Variants in DNAH12 observed in about 807,000 individuals in gnomAD.
DNAH12 encodes dynein axonemal heavy chain 12.
Under a neutral mutation model 371.5 loss-of-function variants are expected in DNAH12, and 285 were observed. The ratio of observed to expected loss-of-function variants is 0.77; its 90% CI spans 0.70 to 0.85. The LOEUF is 0.85. Ranked by LOEUF, DNAH12 falls within the 40% of genes least tolerant of loss-of-function variation. The pLI is 0.00. For missense variants in DNAH12, 3,611 were observed against 3,689.4 expected (o/e 0.98, Z 0.55); for synonymous variants, 1,200 against 1,213.0 (o/e 0.99, Z 0.22).
intron 69 of DNAH12, among the ~76,000 whole-genome samples, chr3:57,308,260 C>T (rs1346846897): frequency 6.6e-6 from 1 of 152,132 alleles, no homozygotes; most frequent in Non-Finnish European, 1.5e-5. Flanking sequence ...TCTGGCCTTC[C>T]CACCTCTATA....
At chr3:57,438,724 G>A (rs1429936192) in intron 29 of DNAH12, among the ~76,000 whole-genome samples, 2 of 151,912 alleles carry the variant, frequency 1.3e-5, no homozygotes, top group Non-Finnish European at 2.9e-5. Flanking sequence ...AGGCCGAGGT[G>A]GGTGGATCAT....
In DNAH12 at chr3:57,437,074, A is replaced by G. The variant is rs751086664; in HGVS notation, c.4546-14T>C. 90 of 1,476,714 alleles carry G rather than the reference A, an allele frequency of 6.1e-5. 1 individual carries two copies. In the South Asian group the frequency reaches 1.1e-3, roughly 18 times the overall value. The allele number at this position is 1,476,714 out of a possible 1,614,324, so 91.5% of individuals were successfully genotyped here. A position where few individuals can be genotyped will look rare whatever the true frequency, so the allele number is the denominator to read the frequency against. ...TTCCAAAAATTCCTGAAATAAAAAA[A>G]AGTAATGCATTTCTACAACACAATA... On this transcript the variant is annotated splice_polypyrimidine_tract_variant and intron_variant, in intron 29 of 73. Coordinates refer to ENST00000495027, the MANE Select transcript of DNAH12 (RefSeq NM_001366028.2).
Position 57,452,928 on chromosome 3 carries a change from C to T in DNAH12, c.3701G>A (p.Cys1234Tyr), listed in dbSNP as rs1370083770. ...ATATTCATAAGCATATTTTACATTG[C>T]AATTAATGATACGAACTCGGGCATT... Reference protein sequence around the residue: ...NENARVRIINCNVKYAYEYLG... With the variant: ...NENARVRIINYNVKYAYEYLG... The change falls in exon 25 of 74, where the codon TGC (cysteine) becomes TAC (tyrosine). Residue 1234 changes from cysteine to tyrosine, a missense_variant. Around this residue, in one of 3 missense-constraint regions of DNAH12, gnomAD observed 2,266 missense variants for 2,236.9 expected, o/e 1.01. Transcript: ENST00000495027. 1 of 1,551,324 alleles carries T rather than the reference C, an allele frequency of 6.4e-7. No homozygotes were observed.
At chr3:57,386,273 G>A (rs2063497846) in intron 47 of DNAH12, among the ~76,000 whole-genome samples, 168 bp downstream of exon 47, 1 of 152,158 alleles carries the variant, frequency 6.6e-6, no homozygotes, top group Admixed American at 6.6e-5. Flanking sequence ...GAGGATCACA[G>A]AAGTGTCCAC....
intron 27 of DNAH12, 129 bp downstream of exon 27, chr3:57,445,902 C>T (rs1260016490): frequency 1.6e-5 from 13 of 800,056 alleles, no homozygotes; most frequent in Admixed American, 3.3e-5. Flanking sequence ...GCAAGAGAAT[C>T]GCTTGAACCC....
intron 66 of DNAH12, among the ~76,000 whole-genome samples, chr3:57,311,269 G>C (rs2061579053): frequency 6.6e-6 from 1 of 152,088 alleles, no homozygotes; most frequent in African/African-American, 2.4e-5. Context: ...TAGAGACAGG[G>C]TTTCACCATG....
Position 57,453,318 on chromosome 3 carries a change from C to T in DNAH12, c.3542G>A (p.Arg1181Lys). Reference protein sequence around the residue: ...LVRGKLSKQTRTTLGALVTID... With the variant: ...LVRGKLSKQTKTTLGALVTID... ...AGTAACCAAAGCCCCCAGAGTGGTC[C>T]TGGTCTGCTTAGACAACTTTCCTCT... The change falls in exon 24 of 74, where the codon AGG becomes AAG. Residue 1181 changes from arginine to lysine, a missense_variant. Transcript: ENST00000495027. 6.4e-7 allele frequency: 1 copy of T among 1,551,340 alleles called. No homozygotes were observed. The highest frequency in any genetic ancestry group is 8.7e-7 in the Non-Finnish European group (1 of 1,146,878).
intron 42 of DNAH12, 149 bp from the exon 43 acceptor site, chr3:57,403,650 G>A: frequency 1.3e-6 from 1 of 763,182 alleles, no homozygotes; most frequent in Non-Finnish European, 1.9e-6. Context: ...CTATCAAAAA[G>A]TGTGATTTTT....
intron 49 of DNAH12, among the ~76,000 whole-genome samples, chr3:57,384,189 CT>C (rs2063454787): frequency 6.6e-6 from 1 of 152,114 alleles, no homozygotes; most frequent in Non-Finnish European, 1.5e-5. Flanking sequence ...TGGAAATGGC[CT>C]TTAAGTTTTT....
intron 60 of DNAH12, among the ~76,000 whole-genome samples, chr3:57,345,687 C>T (rs2062524138): frequency 6.6e-6 from 1 of 152,118 alleles, no homozygotes; most frequent in South Asian, 2.1e-4. Context: ...TTTGATGCTG[C>T]ATCTTTATAT....
chr3:57,551,544 A>G, the DNAH12 span, among the ~76,000 whole-genome samples: 3 of 152,214 alleles, frequency 2.0e-5, no homozygotes, highest in Non-Finnish European at 4.4e-5. Context: ...TGCTGGGATT[A>G]CAGGCATTAG....
chr3:57,296,274 G>T (rs2061231133), intron 72 of DNAH12, 70 bp downstream of exon 72: 1 of 1,207,120 alleles, frequency 8.3e-7, no homozygotes, highest in Non-Finnish European at 1.1e-6. Flanking sequence ...TTTTTTTTAA[G>T]CAACAGATTG....
intron 62 of DNAH12, among the ~76,000 whole-genome samples, chr3:57,324,664 G>C (rs534096965): frequency 1.3e-5 from 2 of 152,318 alleles, no homozygotes; most frequent in Admixed American, 1.3e-4. Context: ...GGTGATTTCT[G>C]CATTTCCATC....
At chr3:57,487,427 AAAAG>A (rs2066971609) in intron 12 of DNAH12, among the ~76,000 whole-genome samples, 3 of 152,150 alleles carry the variant, frequency 2.0e-5, no homozygotes, top group South Asian at 4.1e-4. Context: ...AGAAAGAAAA[AAAAG>A]AAAGAGCAAG....
chr3:57,309,547 GCT>G, intron 68 of DNAH12, 117 bp downstream of exon 68: 1 of 1,023,366 alleles, frequency 9.8e-7, no homozygotes, highest in Non-Finnish European at 1.3e-6. Context: ...GGAGGCTAAT[GCT>G]TAGAGAGGCA....
In DNAH12 at chr3:57,322,437, G is replaced by T; in HGVS notation, c.10430C>A (p.Pro3477His). The T allele has an allele frequency of 6.4e-7, 1 of 1,552,092 alleles. No individual in the cohort carries two copies. Among genetic ancestry groups the T allele is most frequent in the Non-Finnish European group, 8.7e-7 (1 of 1,147,062 alleles). The change falls in exon 65 of 74, where the codon CCT becomes CAT. Residue 3477 changes from proline (P) to histidine (H), a missense_variant. Pro to His is a moderately conservative substitution (Grantham distance 77). Coordinates refer to ENST00000495027, the MANE Select transcript of DNAH12 (RefSeq NM_001366028.2). ...GAGATTCAGCCGAAGACCCGTGGGA[G>T]GTTCATTAGTCATTTTTACTCCATT... ...LQNGVKMTNE[P>H]PTGLRLNLLQ...
At chr3:57,366,508 G>A (rs1341283877) in intron 57 of DNAH12, among the ~76,000 whole-genome samples, 2 of 152,152 alleles carry the variant, frequency 1.3e-5, no homozygotes, top group East Asian at 3.9e-4. Context: ...CTGTAACAAT[G>A]GCAGGTAACC....
At chr3:57,504,861 TTC>T (rs1177346719) in intron 8 of DNAH12, among the ~76,000 whole-genome samples, 12 of 152,098 alleles carry the variant, frequency 7.9e-5, no homozygotes, top group Non-Finnish European at 1.6e-4. Flanking sequence ...TTTTCTTTTT[TTC>T]TCTCTTTTTT....
At chr3:57,333,623 C>T (rs1418508817) in intron 62 of DNAH12, among the ~76,000 whole-genome samples, 1 of 152,076 alleles carries the variant, frequency 6.6e-6, no homozygotes, top group Non-Finnish European at 1.5e-5. Context: ...AGCTACTGTG[C>T]CCAGTCAAAA....
Sources: allele counts gnomAD v4.1 joint callset (sites outside exome capture counted in the v4.1 genomes callset), GRCh38; gene constraint gnomAD v4.1.1; regional missense constraint gnomAD v4.1.1; transcripts MANE v1.5; gene names NCBI Gene and HGNC (gene_info 2026-07-23, HGNC 2026-07-21).